The following ANK3 variants were observed in gnomAD, a reference collection of about 807,000 sequenced individuals.
The protein encoded by ANK3 is ankyrin 3, also known as ankyrin-3.
A neutral mutation model predicts 370.9 loss-of-function variants in ANK3; 57 were observed. That is an observed-to-expected ratio of 0.15 (90% CI 0.12 to 0.19). ANK3 has a LOEUF of 0.19. Ranked by LOEUF, ANK3 falls within the 10% of genes least tolerant of loss-of-function variation. ANK3 has a pLI of 1.00. For synonymous variants in ANK3, 1,929 were observed against 1,946.3 expected (o/e 0.99, Z 0.23); for missense variants, 4,439 against 5,302.1 (o/e 0.84, Z 5.06).
intron 1 of ANK3, among the ~76,000 whole-genome samples, chr10:60,671,330 TCC>T: frequency 6.6e-6 from 1 of 152,206 alleles, no homozygotes; most frequent in Admixed American, 6.5e-5. Context: ...TTTCTGGAGG[TCC>T]CTACACAGGA....
At chr10:60,390,755 C>A (rs1272811854), upstream of ANK3, among the ~76,000 whole-genome samples, 1 of 92,180 alleles carries the variant, frequency 1.1e-5, no homozygotes, top group Non-Finnish European at 2.4e-5. Flanking sequence ...CACACACACA[C>A]ACACACACAC....
rs758138271 is a variant in ANK3 at position 60,069,629 on chromosome 10, C to T, written c.11252G>A (p.Ser3751Asn). 4 of 1,614,068 alleles carry T rather than the reference C, an allele frequency of 2.5e-6. No homozygotes were observed. The highest frequency in any genetic ancestry group is 3.3e-5 in the Admixed American group (2 of 60,008). ...ITDKIEAVMTSCQGLENETIT... is the reference protein window; with the variant it reads ...ITDKIEAVMTNCQGLENETIT... ...AGTTTCATTTTCTAATCCCTGACAA[C>T]TGGTCATCACCGCTTCTATCTTATC... Residue 3751 changes from serine to asparagine, a missense_variant, in exon 37 of 44, where the codon AGT becomes AAT. Around this residue, in one of 13 missense-constraint regions of ANK3, gnomAD observed 496 missense variants for 529.3 expected, o/e 0.94. Transcript: ENST00000280772.
chr10:60,090,955 A>G (rs191038842), intron 28 of ANK3, among the ~76,000 whole-genome samples: 5,730 of 152,276 alleles, frequency 0.038, 169 homozygotes, highest in Non-Finnish European at 0.059. Flanking sequence ...GTCGCCCACG[A>G]GTGCAATGGC....
At chr10:60,209,683 G>C (rs1178286890) in intron 9 of ANK3, among the ~76,000 whole-genome samples, 1 of 152,144 alleles carries the variant, frequency 6.6e-6, no homozygotes, top group Non-Finnish European at 1.5e-5. Context: ...TCCCATTTGA[G>C]ATACTGCTAC....
intron 23 of ANK3, among the ~76,000 whole-genome samples, chr10:60,159,638 A>G (rs2095442953): frequency 6.6e-6 from 1 of 152,182 alleles, no homozygotes; most frequent in Non-Finnish European, 1.5e-5. Context: ...CACATGGAAT[A>G]TTCTCAAGGA....
chr10:60,603,591 T>C (rs2078093356), intron 2 of ANK3, among the ~76,000 whole-genome samples: 1 of 152,178 alleles, frequency 6.6e-6, no homozygotes, highest in Admixed American at 6.6e-5. Flanking sequence ...TGCTAAATGC[T>C]ATTTCTCAAG....
chr10:60,237,336 T>C (rs974807066), intron 7 of ANK3, among the ~76,000 whole-genome samples: 52 of 152,250 alleles, frequency 3.4e-4, no homozygotes, highest in African/African-American at 1.2e-3. Context: ...CACCGACCAA[T>C]AGGAGAGCTC....
chr10:60,379,024 C>G (rs1594781892), intron 1 of ANK3, among the ~76,000 whole-genome samples: 1 of 152,020 alleles, frequency 6.6e-6, no homozygotes, highest in Middle Eastern at 3.4e-3. Context: ...AAAAATCCCA[C>G]ACAATCCGAT....
chr10:60,599,515 C>T (rs1177879971), intron 2 of ANK3, among the ~76,000 whole-genome samples: 1 of 152,028 alleles, frequency 6.6e-6, no homozygotes, highest in Non-Finnish European at 1.5e-5. Flanking sequence ...CTATTGATTC[C>T]TTTCTGCAAT....
At chr10:60,390,638 A>C (rs773228790), upstream of ANK3, among the ~76,000 whole-genome samples, 4 of 151,988 alleles carry the variant, frequency 2.6e-5, no homozygotes, top group Non-Finnish European at 4.4e-5. Flanking sequence ...ATTTGCACAC[A>C]TACTACACAG....
intron 1 of ANK3, among the ~76,000 whole-genome samples, chr10:60,724,385 G>A (rs2079912801): frequency 1.3e-5 from 2 of 151,676 alleles, no homozygotes; most frequent in African/African-American, 4.8e-5. Flanking sequence ...AAGTTAACTT[G>A]GAAAACAAGT....
chr10:60,115,759 A>G (rs1183863154), intron 25 of ANK3, among the ~76,000 whole-genome samples: 2 of 152,200 alleles, frequency 1.3e-5, no homozygotes, highest in Non-Finnish European at 2.9e-5. Context: ...GATAGGTTAA[A>G]AAAAAGAAAG....
intron 2 of ANK3, among the ~76,000 whole-genome samples, chr10:60,479,230 T>C (rs1046609515): frequency 1.3e-5 from 2 of 152,172 alleles, no homozygotes; most frequent in African/African-American, 4.8e-5. Context: ...ACCACATATA[T>C]GATGGTGGTT....
chr10:60,528,132 TTCTTC>T (rs1457718009), intron 2 of ANK3, among the ~76,000 whole-genome samples: 1 of 93,692 alleles, frequency 1.1e-5, no homozygotes, highest in Non-Finnish European at 2.4e-5. Flanking sequence ...TCTTTTCTTC[TTCTTC>T]TTTTTTTTTT....
chr10:60,334,942 G>C (rs953814686), intron 1 of ANK3, among the ~76,000 whole-genome samples: 1 of 151,990 alleles, frequency 6.6e-6, no homozygotes, highest in Non-Finnish European at 1.5e-5. Context: ...CTTTCATCAG[G>C]TTTTAAGAGG....
rs201931662 is a variant in ANK3 at position 60,055,182 on chromosome 10, C to T, written c.13065+476G>A. Among the ~76,000 whole-genome samples the T allele has an allele frequency of 4.7e-4, 71 of 152,212 alleles. No individual in the cohort carries two copies. In the East Asian group the frequency reaches 0.012, roughly 26 times the overall value. Reference sequence around the variant, plus strand: ...TTTCATCTCTTTAATTTTTAAAACACGCTTTCAGACAACAGACCATACAGA... The same window carrying T: ...TTTCATCTCTTTAATTTTTAAAACATGCTTTCAGACAACAGACCATACAGA... On this transcript the variant is annotated intron_variant, in intron 42 of 43. Coordinates refer to ENST00000280772, the MANE Select transcript of ANK3 (RefSeq NM_020987.5).
intron 2 of ANK3, among the ~76,000 whole-genome samples, chr10:60,443,302 T>C (rs998576462): frequency 2.6e-5 from 4 of 152,176 alleles, no homozygotes; most frequent in Admixed American, 2.0e-4. Context: ...TGTGTGTGTG[T>C]GCGTGTGTGT....
chr10:60,540,431 C>T (rs2076820707), intron 2 of ANK3, among the ~76,000 whole-genome samples: 1 of 151,848 alleles, frequency 6.6e-6, no homozygotes, highest in South Asian at 2.1e-4. Context: ...AGATAAATCC[C>T]CTTCTTTGGT....
intron 2 of ANK3, among the ~76,000 whole-genome samples, chr10:60,448,531 T>C (rs1361101762): frequency 6.6e-6 from 1 of 152,250 alleles, no homozygotes; most frequent in Non-Finnish European, 1.5e-5. Context: ...TTAGTTGACC[T>C]ATTTACACAA....
Sources: gnomAD v4.1 joint callset for allele counts (sites outside exome capture counted in the v4.1 genomes callset) on GRCh38, gnomAD v4.1.1 for gene constraint, gnomAD v4.1.1 regional missense constraint, MANE v1.5 for transcripts, NCBI Gene and HGNC (gene_info 2026-07-23, HGNC 2026-07-21) for gene names.